MYRIP: variants seen among roughly 807,000 people sequenced by gnomAD.
The protein encoded by MYRIP is rab effector MyRIP.
In MYRIP, 49 loss-of-function variants were observed where a neutral mutation model predicts 98.0. The observed-to-expected ratio is 0.50, with a 90% confidence interval of 0.40 to 0.63. The LOEUF is 0.63. Among genes scored for constraint, MYRIP ranks in the 30% least tolerant of loss-of-function variants. The pLI is 0.00. For missense variants in MYRIP, 1,004 were observed against 1,058.2 expected (o/e 0.95, Z 0.71); for synonymous variants, 404 against 409.5 (o/e 0.99, Z 0.16).
Position 40,251,935 on chromosome 3 carries a change from T to TCATTCTCC in MYRIP, c.2484_2491dup (p.Gln831ProfsTer21). On this transcript the variant is annotated frameshift_variant, in exon 16 of 17. Transcript: ENST00000302541. LOFTEE classifies it high-confidence loss of function. The stretch of plus-strand genomic sequence containing the variant: ...ACCATTAAAACATTTAACCACAACT[T>TCATTCTCC]CATTCTCCAAGGCTCCTCAACAAAC... The TCATTCTCC allele has an allele frequency of 6.2e-7, 1 of 1,613,924 alleles. No individual in the cohort carries two copies. Among genetic ancestry groups the TCATTCTCC allele is most frequent in the Non-Finnish European group, 8.5e-7 (1 of 1,179,842 alleles).
At chr3:39,956,547 A>G (rs1439103331) in intron 2 of MYRIP, among the ~76,000 whole-genome samples, 1 of 152,244 alleles carries the variant, frequency 6.6e-6, no homozygotes, top group Non-Finnish European at 1.5e-5. Flanking sequence ...AGGGAAATTT[A>G]TAGCACTAAA....
intron 1 of MYRIP, among the ~76,000 whole-genome samples, chr3:39,886,714 AC>A (rs1487967346): frequency 2.0e-5 from 3 of 151,266 alleles, no homozygotes; most frequent in African/African-American, 7.3e-5. Context: ...CTACAAAGAG[AC>A]TTAGACTCCC....
intron 3 of MYRIP, among the ~76,000 whole-genome samples, chr3:40,096,648 A>G (rs1948840351): frequency 6.6e-6 from 1 of 152,118 alleles, no homozygotes. Context: ...CTGTGGTGGG[A>G]TATCTGGACC....
chr3:39,980,610 T>C (rs1945867643), intron 2 of MYRIP, among the ~76,000 whole-genome samples: 1 of 152,250 alleles, frequency 6.6e-6, no homozygotes, highest in Non-Finnish European at 1.5e-5. Flanking sequence ...TGGTGCCTGC[T>C]CTGACCTCAT....
At chr3:40,179,609 TG>T (rs1950842202) in intron 8 of MYRIP, among the ~76,000 whole-genome samples, 1 of 152,230 alleles carries the variant, frequency 6.6e-6, no homozygotes, top group Non-Finnish European at 1.5e-5. Context: ...AAATGGCTTC[TG>T]TGAGGCTGCA....
chr3:40,199,840 C>A (rs11927522), intron 10 of MYRIP, among the ~76,000 whole-genome samples: 1 of 151,958 alleles, frequency 6.6e-6, no homozygotes, highest in African/African-American at 2.4e-5. Flanking sequence ...GAAGACAAAT[C>A]ATAATATGGC....
intron 2 of MYRIP, among the ~76,000 whole-genome samples, chr3:39,952,734 C>T (rs538059993): frequency 6.6e-6 from 1 of 152,266 alleles, no homozygotes; most frequent in South Asian, 2.1e-4. Flanking sequence ...AATTTTCCCC[C>T]TCTTTATTTA....
intron 3 of MYRIP, among the ~76,000 whole-genome samples, chr3:40,048,066 T>G (rs565002801): frequency 6.6e-6 from 1 of 152,328 alleles, no homozygotes; most frequent in Non-Finnish European, 1.5e-5. Flanking sequence ...ACTGATTTAC[T>G]TTAGACACTA....
intron 2 of MYRIP, among the ~76,000 whole-genome samples, chr3:40,030,162 G>C (rs1179407181): frequency 6.6e-6 from 1 of 151,698 alleles, no homozygotes; most frequent in African/African-American, 2.4e-5. Context: ...AGAAAGGAAA[G>C]AAAGAAGGAA....
intron 1 of MYRIP, among the ~76,000 whole-genome samples, chr3:39,819,759 C>A (rs1000119742): frequency 6.6e-6 from 1 of 152,180 alleles, no homozygotes; most frequent in African/African-American, 2.4e-5. Context: ...CTGAAAGAAA[C>A]CTCTCCCACT....
chr3:39,814,343 A>AT (rs1940806720), intron 1 of MYRIP, among the ~76,000 whole-genome samples: 1 of 152,096 alleles, frequency 6.6e-6, no homozygotes, highest in Non-Finnish European at 1.5e-5. Flanking sequence ...TTTACTTTGC[A>AT]TTTCCCTTAG....
At chr3:39,921,920 G>C (rs1944312871) in intron 2 of MYRIP, among the ~76,000 whole-genome samples, 1 of 149,120 alleles carries the variant, frequency 6.7e-6, no homozygotes, top group Non-Finnish European at 1.5e-5. Context: ...ACGGCTGTCT[G>C]ACTTCCCCTT....
chr3:40,202,985 A>G (rs990984335), intron 10 of MYRIP, among the ~76,000 whole-genome samples: 21 of 151,660 alleles, frequency 1.4e-4, no homozygotes, highest in Admixed American at 1.2e-3. Flanking sequence ...GCTGGAGTGC[A>G]GTGGTGCAAT....
intron 2 of MYRIP, among the ~76,000 whole-genome samples, chr3:39,957,497 C>G (rs1945198838): frequency 6.6e-6 from 1 of 152,130 alleles, no homozygotes; most frequent in South Asian, 2.1e-4. Context: ...GCTAAAAACT[C>G]TCAATAAACT....
rs1361531505 is a variant in MYRIP at position 40,002,534 on chromosome 3, T to TA, written c.111-41503dup. ...TGGGCAACAAGAGCAAGACTCTGTC[T>TA]AAAAAAAAAAAAAGAAAATATTGAG... On this transcript the variant is annotated intron_variant, in intron 2 of 16. Transcript: ENST00000302541. 1.4e-3 allele frequency among the ~76,000 whole-genome samples: 199 copies of TA among 139,022 alleles called. 1 individual carries two copies. Among genetic ancestry groups the TA allele is most frequent in the African/African-American group, 2.6e-3 (97 of 37,842 alleles). The allele number at this position is 139,022 out of a possible 152,430, so 91.2% of individuals were successfully genotyped here.
At chr3:39,845,677 C>T (rs1039684211) in intron 1 of MYRIP, among the ~76,000 whole-genome samples, 9 of 151,910 alleles carry the variant, frequency 5.9e-5, no homozygotes, top group African/African-American at 2.2e-4. Context: ...AAATAAATGC[C>T]ATCTATCTAC....
intron 3 of MYRIP, among the ~76,000 whole-genome samples, chr3:40,141,458 A>G (rs1429958824): frequency 6.6e-6 from 1 of 151,990 alleles, no homozygotes; most frequent in Non-Finnish European, 1.5e-5. Context: ...ATTTAATTGC[A>G]TTTGTTTATT....
intron 10 of MYRIP, among the ~76,000 whole-genome samples, chr3:40,192,877 G>A (rs73067678): frequency 6.6e-6 from 1 of 152,180 alleles, no homozygotes; most frequent in South Asian, 2.1e-4. Context: ...CACTGGTGCA[G>A]TTGCCCATCA....
chr3:40,126,576 A>G (rs537015205), intron 3 of MYRIP, among the ~76,000 whole-genome samples: 23 of 152,346 alleles, frequency 1.5e-4, no homozygotes, highest in African/African-American at 5.3e-4. Flanking sequence ...TCTTTATAAA[A>G]ATCTGATGAA....
Sources: gnomAD v4.1 joint callset for allele counts (sites outside exome capture counted in the v4.1 genomes callset) on GRCh38, gnomAD v4.1.1 for gene constraint, MANE v1.5 for transcripts, NCBI Gene and HGNC (gene_info 2026-07-23, HGNC 2026-07-21) for gene names.